PAX8: variants seen among roughly 807,000 people sequenced by gnomAD.
PAX8 encodes the protein paired box protein Pax-8.
A neutral mutation model predicts 52.4 loss-of-function variants in PAX8; 15 were observed. The ratio of observed to expected loss-of-function variants is 0.29; its 90% CI spans 0.19 to 0.44. The LOEUF (loss-of-function observed/expected upper bound fraction) is 0.44, where lower values mean the gene tolerates loss of function less well. Among genes scored for constraint, PAX8 ranks in the 20% least tolerant of loss-of-function variants. The pLI, the probability that PAX8 is intolerant of heterozygous loss-of-function variation, is 1.00. For synonymous variants in PAX8, 284 were observed against 249.7 expected (o/e 1.14, Z -1.29); for missense variants, 554 against 602.5 (o/e 0.92, Z 0.84).
chr2:113,241,699 A>G lies in PAX8; in HGVS notation c.629T>C (p.Ile210Thr), dbSNP rs1690856160. ...DSDQDSCRLS[I>T]DSQSSSSGPR... The stretch of plus-strand genomic sequence containing the variant: ...TCCGCTGCTGCTGCTCTGTGAGTCA[A>G]TGCTTAGTCGGCAGCTATCCTGATC... Residue 210 changes from isoleucine (I) to threonine (T), a missense_variant, in exon 7 of 12, where the codon ATT becomes ACT. Ile to Thr is a moderately conservative substitution (Grantham distance 89). This residue lies in a region of PAX8 where 445 missense variants were observed against 409.9 expected (regional missense o/e 1.09). Coordinates refer to ENST00000429538, the MANE Select transcript of PAX8 (RefSeq NM_003466.4). 2 of 1,614,116 alleles carry G rather than the reference A, an allele frequency of 1.2e-6. No individual in the cohort carries two copies. The highest frequency in any genetic ancestry group is 8.5e-7 in the Non-Finnish European group (1 of 1,180,024).
At chr2:113,220,462 T>G in intron 10 of PAX8, 16 of 314,842 alleles carry the variant, frequency 5.1e-5, no homozygotes, top group Non-Finnish European at 6.6e-5. Context: ...ATGTTATAAC[T>G]ACCCCCATTT....
chr2:113,219,640 T>G (rs1689169461), intron 11 of PAX8, among the ~76,000 whole-genome samples: 1 of 152,066 alleles, frequency 6.6e-6, no homozygotes, highest in Admixed American at 6.6e-5. Flanking sequence ...ACTTAGATGG[T>G]TAATGGGGGC....
At chr2:113,278,339 C>T in intron 2 of PAX8, 31 bp downstream of exon 2, 1 of 1,519,900 alleles carries the variant, frequency 6.6e-7, no homozygotes, top group African/African-American at 1.4e-5. Flanking sequence ...GGCGCGGGGG[C>T]TCGGGGATCC....
chr2:113,235,430 C>T lies in PAX8; in HGVS notation c.1051G>A (p.Val351Met), dbSNP rs1349026936. The T allele has an allele frequency of 2.5e-6, 4 of 1,603,812 alleles. No homozygotes were observed. Among genetic ancestry groups the T allele is most frequent in the Non-Finnish European group, 1.7e-6 (2 of 1,175,214 alleles). Residue 351 changes from valine to methionine, a missense_variant, in exon 9 of 12, where the codon GTG (valine) becomes ATG (methionine). Val to Met is a conservative substitution (Grantham distance 21, BLOSUM62 1). Around this residue, in one of 2 missense-constraint regions of PAX8, gnomAD observed 445 missense variants for 409.9 expected, o/e 1.09. Coordinates refer to ENST00000429538, the MANE Select transcript of PAX8 (RefSeq NM_003466.4). ...PFNAFPHAASVYGQFTGQALL... is the reference protein window; with the variant it reads ...PFNAFPHAASMYGQFTGQALL... ...GCCTGGCCCGTGAACTGCCCGTACA[C>T]GGAGGCAGCATGGGGAAAGGCATTG...
intron 3 of PAX8, among the ~76,000 whole-genome samples, chr2:113,245,443 C>A (rs891336928): frequency 6.6e-6 from 1 of 152,166 alleles, no homozygotes; most frequent in African/African-American, 2.4e-5. Flanking sequence ...CTGCCCTGTC[C>A]AAGCCTGAGG....
chr2:113,250,407 G>C (rs1457442903), intron 2 of PAX8, among the ~76,000 whole-genome samples: 1 of 152,200 alleles, frequency 6.6e-6, no homozygotes, highest in Non-Finnish European at 1.5e-5. Flanking sequence ...CTTGGGAGTA[G>C]GACTAGGACT....
chr2:113,244,656 C>G (rs1395135442), intron 3 of PAX8, 32 bp from the exon 4 acceptor site: 1 of 1,600,276 alleles, frequency 6.2e-7, no homozygotes, highest in Non-Finnish European at 8.6e-7. Flanking sequence ...AAGAATTACC[C>G]AATAAGCAGG....
intron 10 of PAX8, chr2:113,226,097 CCT>C (rs1219535421): frequency 1.1e-5 from 11 of 985,498 alleles, no homozygotes; most frequent in Non-Finnish European, 1.3e-5. Context: ...TTTCTCCCTC[CCT>C]CTTTCTCTCC....
chr2:113,235,438 G>C lies in PAX8; in HGVS notation c.1043C>G (p.Ala348Gly), dbSNP rs1309743715. The change falls in exon 9 of 12, where the codon GCT becomes GGT. Residue 348 changes from alanine (A) to glycine (G), a missense_variant. Ala to Gly is a moderately conservative substitution (Grantham distance 60). This residue lies in a region of PAX8 where 445 missense variants were observed against 409.9 expected (regional missense o/e 1.09). Coordinates refer to ENST00000429538, the MANE Select transcript of PAX8 (RefSeq NM_003466.4). ...CGTGAACTGCCCGTACACGGAGGCA[G>C]CATGGGGAAAGGCATTGAAGGGCGG... Reference protein sequence around the residue: ...GVPPFNAFPHAASVYGQFTGQ... With the variant: ...GVPPFNAFPHGASVYGQFTGQ... 1 of 1,607,534 alleles carries C rather than the reference G, an allele frequency of 6.2e-7. No homozygotes were observed. Among genetic ancestry groups the C allele is most frequent in the Non-Finnish European group, 8.5e-7 (1 of 1,176,960 alleles).
chr2:113,244,195 T>C (rs1691115398), intron 4 of PAX8, among the ~76,000 whole-genome samples: 1 of 152,158 alleles, frequency 6.6e-6, no homozygotes, highest in Admixed American at 6.5e-5. Flanking sequence ...AAACTGTAGA[T>C]AGCACACTAT....
At chr2:113,237,257 TTAC>T (rs1403520780) in intron 7 of PAX8, 1 of 152,864 alleles carries the variant, frequency 6.5e-6, no homozygotes, top group Non-Finnish European at 1.5e-5. Flanking sequence ...GGACCACTTC[TTAC>T]ATTTGCAAAG....
Position 113,235,440 on chromosome 2 carries a change from A to T in PAX8, c.1041T>A (p.His347Gln), listed in dbSNP as rs766022541. 2 of 1,608,550 alleles carry T rather than the reference A, an allele frequency of 1.2e-6. No homozygotes were observed. The highest frequency in any genetic ancestry group is 4.5e-5 in the East Asian group (2 of 44,700). Residue 347 changes from histidine (H) to glutamine (Q), a missense_variant, in exon 9 of 12, where the codon CAT (histidine) becomes CAA (glutamine). Coordinates refer to ENST00000429538, the MANE Select transcript of PAX8 (RefSeq NM_003466.4). The part of the protein sequence containing the change: ...SGVPPFNAFP[H>Q]AASVYGQFTG... ...TGAACTGCCCGTACACGGAGGCAGC[A>T]TGGGGAAAGGCATTGAAGGGCGGGA...
intron 2 of PAX8, among the ~76,000 whole-genome samples, chr2:113,262,016 G>A (rs903321794): frequency 2.0e-5 from 3 of 152,074 alleles, no homozygotes; most frequent in Non-Finnish European, 2.9e-5. Flanking sequence ...TTTTAGTACA[G>A]ACAGGGTTTC....
chr2:113,250,185 T>C (rs1487921820), intron 2 of PAX8, among the ~76,000 whole-genome samples: 1 of 146,724 alleles, frequency 6.8e-6, no homozygotes, highest in Non-Finnish European at 1.5e-5. Flanking sequence ...GAGAATGGCA[T>C]GAACCCGCAA....
intron 2 of PAX8, chr2:113,265,671 GA>G (rs1693001725): frequency 6.6e-6 from 1 of 152,170 alleles, no homozygotes; most frequent in Non-Finnish European, 1.5e-5. Context: ...TGATTATGGT[GA>G]AAGTTCAGTT....
chr2:113,251,095 G>A (rs189543152), intron 2 of PAX8, among the ~76,000 whole-genome samples: 1 of 152,346 alleles, frequency 6.6e-6, no homozygotes, highest in East Asian at 1.9e-4. Context: ...AGAGCCTGCT[G>A]GCTGCAGATG....
intron 3 of PAX8, among the ~76,000 whole-genome samples, chr2:113,246,083 C>T (rs956925613): frequency 6.6e-6 from 1 of 152,236 alleles, no homozygotes; most frequent in Admixed American, 6.5e-5. Context: ...CTGGTCTCTT[C>T]TGAATCTTTG....
intron 7 of PAX8, chr2:113,238,215 G>GC (rs1393953159): frequency 6.6e-6 from 1 of 152,084 alleles, no homozygotes; most frequent in African/African-American, 2.4e-5. Flanking sequence ...GATTACAGGT[G>GC]CGTGCTACCA....
At chr2:113,251,220 G>A (rs1691732066) in intron 2 of PAX8, among the ~76,000 whole-genome samples, 1 of 152,126 alleles carries the variant, frequency 6.6e-6, no homozygotes, top group Non-Finnish European at 1.5e-5. Context: ...ACCACCAAAT[G>A]CCCAGAGGTG....
Sources: gnomAD v4.1 joint callset for allele counts (sites outside exome capture counted in the v4.1 genomes callset) on GRCh38, gnomAD v4.1.1 for gene constraint, gnomAD v4.1.1 regional missense constraint, MANE v1.5 for transcripts, NCBI Gene and HGNC (gene_info 2026-07-23, HGNC 2026-07-21) for gene names.